The following XPO1 variants were observed in gnomAD, a reference collection of about 807,000 sequenced individuals.
XPO1 encodes exportin 1.
Under a neutral mutation model 133.3 loss-of-function variants are expected in XPO1, and 5 were observed. The ratio of observed to expected loss-of-function variants is 0.04; its 90% CI spans 0.02 to 0.08. The LOEUF (loss-of-function observed/expected upper bound fraction) is 0.08. Among genes scored for constraint, XPO1 ranks in the 10% least tolerant of loss-of-function variants. XPO1 has a pLI of 1.00. For synonymous variants in XPO1, 419 were observed against 408.2 expected, an observed-to-expected ratio of 1.03 and a Z score of -0.32; for missense variants, 506 against 1,267.5, an observed-to-expected ratio of 0.40 and a Z score of 9.12.
chr2:61,515,033 C>T (rs1308275238), intron 4 of XPO1, among the ~76,000 whole-genome samples: 3 of 149,932 alleles, frequency 2.0e-5, no homozygotes, highest in Non-Finnish European at 4.4e-5. Context: ...CATGACACTG[C>T]ACTCCAGCCT....
At chr2:61,491,984 T>G in intron 16 of XPO1, 51 bp downstream of exon 16, 1 of 1,593,906 alleles carries the variant, frequency 6.3e-7, no homozygotes, top group Non-Finnish European at 8.6e-7. Context: ...ACATACAGAT[T>G]GATACAAGTG....
At position 61,493,875 on chromosome 2, in the gene XPO1, C is replaced by T. The variant is rs1253340631; in HGVS notation, c.1245+19G>A. On this transcript the variant is annotated intron_variant, in intron 12 of 24. Transcript: ENST00000401558. ...CACAGTATGCAACAGGAAGAACACT[C>T]AACCAACCGCTCTGTTACCTTGAAT... 6.2e-7 allele frequency: 1 copy of T among 1,613,630 alleles called. No homozygotes were observed. Among genetic ancestry groups the T allele is most frequent in the East Asian group, 2.2e-5 (1 of 44,854 alleles).
At chr2:61,479,400 C>T (rs1696219304) in intron 24 of XPO1, among the ~76,000 whole-genome samples, 1 of 151,540 alleles carries the variant, frequency 6.6e-6, no homozygotes, top group Non-Finnish European at 1.5e-5. Context: ...TGCAGTGAGC[C>T]AAGATCACGC....
intron 23 of XPO1, among the ~76,000 whole-genome samples, chr2:61,481,607 C>T (rs376658412): frequency 3.9e-5 from 6 of 152,138 alleles, no homozygotes; most frequent in South Asian, 4.2e-4. Flanking sequence ...CCACCATGCC[C>T]GGCTAATTTG....
chr2:61,524,664 G>A (rs373196700), intron 3 of XPO1, among the ~76,000 whole-genome samples: 39 of 152,316 alleles, frequency 2.6e-4, no homozygotes, highest in African/African-American at 8.9e-4. Context: ...AGTGGCCCTC[G>A]CCTGTAATCC....
intron 2 of XPO1, among the ~76,000 whole-genome samples, chr2:61,529,666 C>CAA (rs368005107): frequency 3.6e-5 from 3 of 84,346 alleles, no homozygotes; most frequent in Non-Finnish European, 5.0e-5. Context: ...TGTCTCATTA[C>CAA]AAAAAAAAAA....
At chr2:61,479,227 G>A (rs928585519) in intron 24 of XPO1, among the ~76,000 whole-genome samples, 2 of 152,184 alleles carry the variant, frequency 1.3e-5, no homozygotes, top group South Asian at 2.1e-4. Context: ...AACTTTGGGA[G>A]GCAGAGACGG....
rs181180071 is a variant in XPO1 at position 61,506,294 on chromosome 2, G to A, written c.302-3984C>T. Among the ~76,000 whole-genome samples the A allele has an allele frequency of 4.6e-3, 701 of 152,210 alleles. 3 individuals are homozygous for A. The highest frequency in any genetic ancestry group is 6.7e-3 in the Non-Finnish European group (453 of 68,012). Reference sequence around the variant, plus strand: ...CAAAATTAGCCAGGCATGGTGGCACGCGCCTATAATCCCAGCTACTCAGGA... The same window carrying A: ...CAAAATTAGCCAGGCATGGTGGCACACGCCTATAATCCCAGCTACTCAGGA... On this transcript the variant is annotated intron_variant, in intron 4 of 24. Transcript: ENST00000401558.
At chr2:61,495,320 A>G (rs1264510093) in intron 11 of XPO1, 135 bp downstream of exon 11, 9 of 609,044 alleles carry the variant, frequency 1.5e-5, no homozygotes, top group Middle Eastern at 5.1e-4. Context: ...CAGAATTGAG[A>G]ATATATATAA....
intron 2 of XPO1, among the ~76,000 whole-genome samples, chr2:61,531,449 C>T (rs1179948600): frequency 6.6e-6 from 1 of 152,108 alleles, no homozygotes; most frequent in Non-Finnish European, 1.5e-5. Flanking sequence ...TACTATGAAA[C>T]ATTATTAAAA....
chr2:61,489,894 ATTT>A (rs1179171883), intron 17 of XPO1, among the ~76,000 whole-genome samples: 1 of 133,066 alleles, frequency 7.5e-6, no homozygotes, highest in Non-Finnish European at 1.6e-5. Context: ...AAATTACAGT[ATTT>A]TTTTTTTTTT....
At chr2:61,526,598 G>A in intron 2 of XPO1, 77 bp from the exon 3 acceptor site, 1 of 1,098,404 alleles carries the variant, frequency 9.1e-7, no homozygotes, top group Non-Finnish European at 1.2e-6. Flanking sequence ...AAACTACTGA[G>A]CAAGGCACAA....
Position 61,491,948 on chromosome 2 carries a change from A to G in XPO1, c.1887+87T>C, listed in dbSNP as rs544820116. 7.6e-5 allele frequency: 111 copies of G among 1,460,912 alleles called. 1 individual carries two copies. Among genetic ancestry groups the G allele is most frequent in the African/African-American group, 1.1e-4 (8 of 70,416 alleles). The allele number at this position is 1,460,912 out of a possible 1,614,324, so 90.5% of individuals were successfully genotyped here. Reference sequence around the variant, plus strand: ...ATCAGAAACACTTCTATTGGATCCAATAGTTGCCCTCCTATTTCCATTGAT... The same window carrying G: ...ATCAGAAACACTTCTATTGGATCCAGTAGTTGCCCTCCTATTTCCATTGAT... On this transcript the variant is annotated intron_variant, in intron 16 of 24. Transcript: ENST00000401558.
At chr2:61,494,249 ACT>A in intron 11 of XPO1, 158 bp from the exon 12 acceptor site, 1 of 647,376 alleles carries the variant, frequency 1.5e-6, no homozygotes. Flanking sequence ...CTCTGGAGTA[ACT>A]CTGCTTCTTC....
intron 3 of XPO1, chr2:61,526,116 T>C (rs1417793574): frequency 1.7e-6 from 2 of 1,156,340 alleles, no homozygotes; most frequent in Admixed American, 9.6e-5. Flanking sequence ...ATGTTATGTT[T>C]AATCTCTGAA....
chr2:61,518,101 G>A (rs937104051), intron 4 of XPO1, among the ~76,000 whole-genome samples: 2 of 151,578 alleles, frequency 1.3e-5, no homozygotes, highest in Non-Finnish European at 2.9e-5. Flanking sequence ...CTGCACTCCA[G>A]CCTGGGTGAC....
intron 12 of XPO1, 34 bp from the exon 13 acceptor site, chr2:61,493,087 T>G: frequency 6.5e-7 from 1 of 1,534,510 alleles, no homozygotes; most frequent in Non-Finnish European, 8.7e-7. Flanking sequence ...AAGAAAAAAA[T>G]CGTTAGATCA....
At chr2:61,482,255 G>A in intron 23 of XPO1, 125 bp downstream of exon 23, 2 of 601,448 alleles carry the variant, frequency 3.3e-6, no homozygotes, top group Non-Finnish European at 4.8e-6. Context: ...TGTTGTCTAG[G>A]TTGGTCTCCA....
chr2:61,499,599 G>T, intron 7 of XPO1, 114 bp downstream of exon 7: 1 of 1,034,230 alleles, frequency 9.7e-7, no homozygotes, highest in Non-Finnish European at 1.4e-6. Context: ...ACCACTACAA[G>T]CAATTTAACA....
Sources: allele counts gnomAD v4.1 joint callset (sites outside exome capture counted in the v4.1 genomes callset), GRCh38; gene constraint gnomAD v4.1.1; transcripts MANE v1.5; gene names NCBI Gene and HGNC (gene_info 2026-07-23, HGNC 2026-07-21).